The following TACR3 variants were observed in gnomAD, a reference collection of about 807,000 sequenced individuals.
TACR3 encodes the protein tachykinin receptor 3, also known as neuromedin-K receptor.
A neutral mutation model predicts 35.0 loss-of-function variants in TACR3; 34 were observed. The observed-to-expected ratio is 0.97, with a 90% confidence interval of 0.74 to 1.30. The LOEUF (loss-of-function observed/expected upper bound fraction) is 1.30. Among genes scored for constraint, TACR3 ranks in the 50% most tolerant of loss-of-function variants. The pLI, the probability that TACR3 is intolerant of heterozygous loss-of-function variation, is 0.00. For missense variants in TACR3, 558 were observed against 591.7 expected, an observed-to-expected ratio of 0.94 and a Z score of 0.59; for synonymous variants, 233 against 221.1, an observed-to-expected ratio of 1.05 and a Z score of -0.48.
chr4:103,713,431 A>T (rs191344990), intron 1 of TACR3, among the ~76,000 whole-genome samples: 16,466 of 134,038 alleles, frequency 0.12, 1,216 homozygotes, highest in East Asian at 0.38. Flanking sequence ...ATGAGAACAC[A>T]TGGACACAGG....
chr4:103,624,311 G>A (rs1358835207), intron 3 of TACR3: 1 of 152,114 alleles, frequency 6.6e-6, no homozygotes, highest in Non-Finnish European at 1.5e-5. Flanking sequence ...AGAAATTCCT[G>A]TTGCAGAGAT....
chr4:103,694,836 A>G (rs951215022), intron 1 of TACR3, among the ~76,000 whole-genome samples: 1 of 152,176 alleles, frequency 6.6e-6, no homozygotes, highest in African/African-American at 2.4e-5. Context: ...ACATTTGATA[A>G]TGATGAAAGG....
chr4:103,671,167 T>A (rs1283676699), intron 1 of TACR3, among the ~76,000 whole-genome samples: 6 of 152,082 alleles, frequency 3.9e-5, no homozygotes, highest in Non-Finnish European at 7.4e-5. Context: ...TTTAATGTGT[T>A]GTTGAATTTG....
intron 1 of TACR3, among the ~76,000 whole-genome samples, chr4:103,678,105 G>A (rs1180738453): frequency 6.6e-6 from 1 of 152,126 alleles, no homozygotes; most frequent in Non-Finnish European, 1.5e-5. Context: ...GAGATCTTCT[G>A]TGCAACTTGA....
chr4:103,604,059 C>CA (rs1460835791), intron 3 of TACR3, among the ~76,000 whole-genome samples: 2 of 152,066 alleles, frequency 1.3e-5, no homozygotes, highest in Non-Finnish European at 2.9e-5. Context: ...CATATGGGAC[C>CA]AAAAAGGAGC....
chr4:103,659,492 C>T (rs1317679274), intron 1 of TACR3, among the ~76,000 whole-genome samples: 1 of 152,014 alleles, frequency 6.6e-6, no homozygotes, highest in East Asian at 1.9e-4. Flanking sequence ...GTCCATAAAC[C>T]CATTTAAGAG....
At chr4:103,616,297 C>CATGTATGT (rs1553968541) in intron 3 of TACR3, among the ~76,000 whole-genome samples, 3 of 103,172 alleles carry the variant, frequency 2.9e-5, no homozygotes, top group Non-Finnish European at 5.9e-5. Context: ...AGAGTACATA[C>CATGTATGT]GTGTATGTGT....
intron 1 of TACR3, among the ~76,000 whole-genome samples, chr4:103,686,135 CT>C (rs1722229681): frequency 2.0e-5 from 3 of 152,168 alleles, no homozygotes; most frequent in African/African-American, 7.2e-5. Flanking sequence ...AAGTAAGGCT[CT>C]GTTTGAATCC....
chr4:103,661,846 A>G (rs1247685383), intron 1 of TACR3, among the ~76,000 whole-genome samples: 2 of 152,168 alleles, frequency 1.3e-5, no homozygotes, highest in Non-Finnish European at 2.9e-5. Context: ...TTTATTCAAT[A>G]AAACATTTAT....
intron 3 of TACR3, among the ~76,000 whole-genome samples, chr4:103,598,147 A>T (rs549903332): frequency 6.6e-6 from 1 of 152,136 alleles, no homozygotes; most frequent in Admixed American, 6.5e-5. Context: ...TCACCATTCT[A>T]ACTGGTGTGA....
At chr4:103,631,994 G>C (rs1725076806) in intron 3 of TACR3, among the ~76,000 whole-genome samples, 1 of 151,884 alleles carries the variant, frequency 6.6e-6, no homozygotes, top group Non-Finnish European at 1.5e-5. Flanking sequence ...TTGTTACATG[G>C]GGTCTAATTG....
chr4:103,648,693 G>T (rs530656002), intron 3 of TACR3, among the ~76,000 whole-genome samples: 2 of 152,092 alleles, frequency 1.3e-5, no homozygotes, highest in Non-Finnish European at 2.9e-5. Flanking sequence ...TCTGTTGATG[G>T]ACATTTAGGT....
chr4:103,704,793 C>T (rs546309694), intron 1 of TACR3, among the ~76,000 whole-genome samples: 69 of 152,206 alleles, frequency 4.5e-4, no homozygotes, highest in Non-Finnish European at 7.5e-4. Context: ...CTATCCTCTC[C>T]CCGACTATCC....
At chr4:103,616,302 A>ATGTGTGTG (rs3839189) in intron 3 of TACR3, among the ~76,000 whole-genome samples, 29,953 of 151,164 alleles carry the variant, frequency 0.2, 3,118 homozygotes, top group Middle Eastern at 0.32. Flanking sequence ...ACATACGTGT[A>ATGTGTGTG]TGTGTGTGTG....
At chr4:103,688,198 T>C (rs1722301772) in intron 1 of TACR3, among the ~76,000 whole-genome samples, 2 of 152,140 alleles carry the variant, frequency 1.3e-5, no homozygotes, top group South Asian at 4.1e-4. Flanking sequence ...TAGCCATATG[T>C]AGAAAGCTGA....
Position 103,719,169 on chromosome 4 carries a change from C to T in TACR3, c.507G>A (p.Val169=), listed in dbSNP as rs199807810. 52 of 1,614,096 alleles carry T rather than the reference C, an allele frequency of 3.2e-5. No individual in the cohort carries two copies. Among genetic ancestry groups the T allele is most frequent in the Non-Finnish European group, 1.7e-6 (2 of 1,180,056 alleles). The change falls in exon 1 of 5, where the codon GTG becomes GTA. Residue 169 remains valine (V), a synonymous_variant. Transcript: ENST00000304883. The stretch of plus-strand genomic sequence containing the variant: ...CCGTCATGGAGTAGATGCTGGCGAA[C>T]ACAGCTGTGATAGGAAAGAAGTTCT... ...RFQNFFPITA[V]FASIYSMTAI...
chr4:103,655,178 T>A (rs1468969629), intron 3 of TACR3, among the ~76,000 whole-genome samples: 1 of 152,186 alleles, frequency 6.6e-6, no homozygotes, highest in Admixed American at 6.6e-5. Flanking sequence ...CTAGTATTAT[T>A]TGTCAATATC....
intron 3 of TACR3, among the ~76,000 whole-genome samples, chr4:103,630,682 C>T (rs1725036976): frequency 6.6e-6 from 1 of 152,150 alleles, no homozygotes; most frequent in South Asian, 2.1e-4. Context: ...CAGGAAACAA[C>T]AGATGCTGGA....
chr4:103,660,401 A>G (rs533660844), intron 1 of TACR3, among the ~76,000 whole-genome samples: 1 of 152,188 alleles, frequency 6.6e-6, no homozygotes, highest in African/African-American at 2.4e-5. Context: ...CTCAATGTAT[A>G]TAAAGTTTTA....
Sources: allele counts gnomAD v4.1 joint callset (sites outside exome capture counted in the v4.1 genomes callset), GRCh38; gene constraint gnomAD v4.1.1; transcripts MANE v1.5; gene names NCBI Gene and HGNC (gene_info 2026-07-23, HGNC 2026-07-21).